Variants in NEK7 observed in about 807,000 individuals in gnomAD.
NEK7 encodes the protein serine/threonine-protein kinase Nek7.
Under a neutral mutation model 44.6 loss-of-function variants are expected in NEK7, and 18 were observed. The ratio of observed to expected loss-of-function variants is 0.40; its 90% CI spans 0.28 to 0.60. The LOEUF (loss-of-function observed/expected upper bound fraction) is 0.60, where lower values mean the gene tolerates loss of function less well. Among genes scored for constraint, NEK7 ranks in the 20% least tolerant of loss-of-function variants. The pLI, the probability that NEK7 is intolerant of heterozygous loss-of-function variation, is 0.38. For missense variants in NEK7, 256 were observed against 366.5 expected (o/e 0.70, Z 2.46); for synonymous variants, 130 against 121.1 (o/e 1.07, Z -0.48).
intron 6 of NEK7, among the ~76,000 whole-genome samples, chr1:198,278,555 G>A (rs189546153): frequency 6.6e-6 from 1 of 151,864 alleles, no homozygotes; most frequent in East Asian, 1.9e-4. Context: ...AAATAAATAT[G>A]TGCCTTATAG....
intron 9 of NEK7, among the ~76,000 whole-genome samples, chr1:198,301,506 C>T (rs1654883905): frequency 1.3e-5 from 2 of 152,210 alleles, no homozygotes; most frequent in Non-Finnish European, 2.9e-5. Context: ...GCCGAGATCG[C>T]GCCACTGCGT....
intron 1 of NEK7, among the ~76,000 whole-genome samples, chr1:198,170,051 A>G (rs1043658720): frequency 6.6e-6 from 1 of 152,128 alleles, no homozygotes; most frequent in African/African-American, 2.4e-5. Flanking sequence ...GATGAATGCC[A>G]GGCACACGTC....
chr1:198,240,109 T>C (rs10494764), intron 2 of NEK7, among the ~76,000 whole-genome samples: 14,771 of 152,276 alleles, frequency 0.097, 1,032 homozygotes, highest in South Asian at 0.26. Context: ...GTATTATTCT[T>C]ATAGTATGTA....
chr1:198,212,812 C>T (rs1205656290), intron 1 of NEK7, among the ~76,000 whole-genome samples: 1 of 152,232 alleles, frequency 6.6e-6, no homozygotes. Flanking sequence ...GGAGGCCAAC[C>T]AGCACAGTCC....
chr1:198,166,708 T>C (rs930518278), intron 1 of NEK7, among the ~76,000 whole-genome samples: 3 of 152,216 alleles, frequency 2.0e-5, no homozygotes, highest in African/African-American at 7.2e-5. Context: ...ACATGATTCA[T>C]GGTGCCCCAA....
At chr1:198,213,305 G>A (rs1665829253) in intron 1 of NEK7, among the ~76,000 whole-genome samples, 1 of 152,204 alleles carries the variant, frequency 6.6e-6, no homozygotes, top group South Asian at 2.1e-4. Flanking sequence ...TACACTAGTG[G>A]AAAGTTTCAG....
intron 9 of NEK7, among the ~76,000 whole-genome samples, chr1:198,317,222 G>A (rs1228888554): frequency 5.9e-5 from 9 of 152,112 alleles, no homozygotes; most frequent in Admixed American, 2.0e-4. Flanking sequence ...GATACACTTC[G>A]TATTTGGTGG....
chr1:198,318,402 C>T (rs552658399), intron 9 of NEK7, among the ~76,000 whole-genome samples: 3 of 152,170 alleles, frequency 2.0e-5, no homozygotes, highest in Non-Finnish European at 2.9e-5. Flanking sequence ...GCACTAGCAA[C>T]ATCTTCAGCC....
At chr1:198,286,652 A>G (rs545423601) in intron 7 of NEK7, among the ~76,000 whole-genome samples, 3 of 152,358 alleles carry the variant, frequency 2.0e-5, no homozygotes, top group South Asian at 2.1e-4. Flanking sequence ...TCTGTAGGTC[A>G]GAAGTCCAAT....
chr1:198,187,166 C>T (rs1664947221), intron 1 of NEK7, among the ~76,000 whole-genome samples: 2 of 152,154 alleles, frequency 1.3e-5, no homozygotes, highest in Admixed American at 1.3e-4. Flanking sequence ...AATGAGAAGC[C>T]TGCATGTCCT....
At chr1:198,227,103 G>A (rs563807375) in intron 1 of NEK7, among the ~76,000 whole-genome samples, 36 of 152,122 alleles carry the variant, frequency 2.4e-4, no homozygotes, top group African/African-American at 8.4e-4. Flanking sequence ...CCACCTATGA[G>A]TGAGAACATG....
intron 7 of NEK7, among the ~76,000 whole-genome samples, chr1:198,289,131 T>TTG (rs71133921): frequency 0.025 from 3,678 of 148,812 alleles, 64 homozygotes; most frequent in Non-Finnish European, 0.038. Flanking sequence ...TTCCCTGAAG[T>TTG]TGTGTGTGTG....
chr1:198,264,214 C>A lies in NEK7; in HGVS notation c.351C>A (p.Gly117=). Residue 117 remains glycine, a synonymous_variant, in exon 5 of 10, where the codon GGC becomes GGA. Coordinates refer to ENST00000367385, the MANE Select transcript of NEK7 (RefSeq NM_133494.3). ...TAGTTTTGGAACTAGCAGATGCTGG[C>A]GACCTATCCAGAATGATCAAGGTAA... The part of the protein sequence containing the change: ...LNIVLELADA[G]DLSRMIKHFK... The A allele has an allele frequency of 6.2e-7, 1 of 1,600,036 alleles. No homozygotes were observed. The highest frequency in any genetic ancestry group is 8.5e-7 in the Non-Finnish European group (1 of 1,173,314).
At chr1:198,272,891 G>A (rs879490518) in intron 5 of NEK7, among the ~76,000 whole-genome samples, 4 of 151,756 alleles carry the variant, frequency 2.6e-5, no homozygotes, top group Admixed American at 6.6e-5. Flanking sequence ...GAAGTTTTGT[G>A]ACTTTATGGG....
chr1:198,260,732 C>T (rs116699511), intron 3 of NEK7, among the ~76,000 whole-genome samples: 3,767 of 151,900 alleles, frequency 0.025, 72 homozygotes, highest in African/African-American at 0.047. Flanking sequence ...TTAAAAGTTG[C>T]AGAACGTAAA....
chr1:198,282,371 C>T (rs936794784), intron 7 of NEK7, among the ~76,000 whole-genome samples: 4 of 152,054 alleles, frequency 2.6e-5, no homozygotes, highest in African/African-American at 2.4e-5. Context: ...CCTCTAGCTT[C>T]CCACTCTGAT....
At chr1:198,311,806 T>C (rs953993016) in intron 9 of NEK7, among the ~76,000 whole-genome samples, 2 of 152,170 alleles carry the variant, frequency 1.3e-5, no homozygotes, top group Non-Finnish European at 2.9e-5. Flanking sequence ...TCATGGTGGA[T>C]AAGCTTTTTG....
At chr1:198,169,699 C>T (rs1161527156) in intron 1 of NEK7, among the ~76,000 whole-genome samples, 1 of 151,856 alleles carries the variant, frequency 6.6e-6, no homozygotes, top group East Asian at 1.9e-4. Flanking sequence ...AATCTCAGTG[C>T]ATTAAAATAA....
chr1:198,264,713 C>A (rs1653592041), intron 5 of NEK7, among the ~76,000 whole-genome samples: 1 of 151,930 alleles, frequency 6.6e-6, no homozygotes, highest in Non-Finnish European at 1.5e-5. Context: ...CATATTAATT[C>A]ATAATTAATA....
Sources: allele counts gnomAD v4.1 joint callset (sites outside exome capture counted in the v4.1 genomes callset), GRCh38; gene constraint gnomAD v4.1.1; transcripts MANE v1.5; gene names NCBI Gene and HGNC (gene_info 2026-07-23, HGNC 2026-07-21).